PCYT1A: variants seen among roughly 807,000 people sequenced by gnomAD.
PCYT1A encodes phosphate cytidylyltransferase 1A, choline, also known as choline-phosphate cytidylyltransferase A.
A neutral mutation model predicts 43.7 loss-of-function variants in PCYT1A; 25 were observed. The ratio of observed to expected loss-of-function variants is 0.57; its 90% CI spans 0.42 to 0.80. The LOEUF (loss-of-function observed/expected upper bound fraction) is 0.80. Ranked by LOEUF, PCYT1A falls within the 30% of genes least tolerant of loss-of-function variation. PCYT1A has a pLI of 0.00. For synonymous variants in PCYT1A, 172 were observed against 170.7 expected, an observed-to-expected ratio of 1.01 and a Z score of -0.06; for missense variants, 421 against 474.2, an observed-to-expected ratio of 0.89 and a Z score of 1.04.
intron 5 of PCYT1A, among the ~76,000 whole-genome samples, chr3:196,246,689 C>T (rs1390981606): frequency 6.6e-6 from 1 of 152,194 alleles, no homozygotes; most frequent in Non-Finnish European, 1.5e-5. Context: ...CAAGAAAAGT[C>T]TATGTTAATC....
intron 3 of PCYT1A, among the ~76,000 whole-genome samples, chr3:196,254,357 T>A (rs1266309135): frequency 6.6e-6 from 1 of 151,706 alleles, no homozygotes; most frequent in African/African-American, 2.4e-5. Context: ...TTTATTTATG[T>A]ATTTATTTAT....
intron 1 of PCYT1A, among the ~76,000 whole-genome samples, chr3:196,274,944 T>A (rs1270925385): frequency 6.6e-6 from 1 of 152,218 alleles, no homozygotes; most frequent in East Asian, 1.9e-4. Flanking sequence ...GTGATGATGA[T>A]CAGAGCTTGT....
In PCYT1A at chr3:196,282,002, A is replaced by C. The variant is rs1385023375; in HGVS notation, c.-11+5613T>G. On this transcript the variant is annotated intron_variant, in intron 1 of 8. Coordinates refer to ENST00000431016, the MANE Select transcript of PCYT1A (RefSeq NM_001312673.2). This position sits in a 1 kb window ranked among gnomAD's most constrained non-coding sequence, Gnocchi z 4.3. Reference sequence around the variant, plus strand: ...TATCACACCAGGCTGAGAACTTATAAATGTAAAAGTGAATTTCAAAACATG... The same window carrying C: ...TATCACACCAGGCTGAGAACTTATACATGTAAAAGTGAATTTCAAAACATG... Among the ~76,000 whole-genome samples, 3 of 152,168 alleles carry C rather than the reference A, an allele frequency of 2.0e-5. No homozygotes were observed. The highest frequency in any genetic ancestry group is 2.9e-5 in the Non-Finnish European group (2 of 68,034).
intron 2 of PCYT1A, among the ~76,000 whole-genome samples, chr3:196,258,996 T>C (rs1725029610): frequency 6.6e-6 from 1 of 152,368 alleles, no homozygotes; most frequent in Non-Finnish European, 1.5e-5. Context: ...CTTATTTTTG[T>C]GTAAGATTCG....
chr3:196,252,100 G>A lies in PCYT1A; in HGVS notation c.218-3777C>T, dbSNP rs1202604684. 2.7e-5 allele frequency among the ~76,000 whole-genome samples: 4 copies of A among 147,958 alleles called. No individual in the cohort carries two copies. Among genetic ancestry groups the A allele is most frequent in the South Asian group, 2.1e-4 (1 of 4,764 alleles). On this transcript the variant is annotated intron_variant, in intron 3 of 8. Coordinates refer to ENST00000431016, the MANE Select transcript of PCYT1A (RefSeq NM_001312673.2). This position sits in a 1 kb window ranked among gnomAD's most constrained non-coding sequence, Gnocchi z 4.0. ...ACTACAGCGCACCCCGCCACGCCCC[G>A]CAGACTACAGCGCACCCCGCCACGC...
intron 5 of PCYT1A, among the ~76,000 whole-genome samples, chr3:196,243,912 G>A (rs1724454449): frequency 6.6e-6 from 1 of 152,238 alleles, no homozygotes; most frequent in African/African-American, 2.4e-5. Context: ...CGCCTGCCTT[G>A]GCCTCCCAAA....
chr3:196,285,934 CT>C (rs1725897889), intron 1 of PCYT1A, among the ~76,000 whole-genome samples: 1 of 152,146 alleles, frequency 6.6e-6, no homozygotes, highest in African/African-American at 2.4e-5. Flanking sequence ...TTTTCTGCCC[CT>C]ATCTTGAGTT....
At chr3:196,267,768 C>T (rs1042514594) in intron 2 of PCYT1A, among the ~76,000 whole-genome samples, 5 of 151,896 alleles carry the variant, frequency 3.3e-5, no homozygotes, top group African/African-American at 1.2e-4. Flanking sequence ...GGTTGCACAA[C>T]TCTGTGAATA....
At chr3:196,244,039 G>A (rs1264377539) in intron 5 of PCYT1A, among the ~76,000 whole-genome samples, 2 of 150,882 alleles carry the variant, frequency 1.3e-5, no homozygotes, top group Non-Finnish European at 2.9e-5. Context: ...CGCCCAGTCT[G>A]GGAAGTGAGG....
intron 1 of PCYT1A, among the ~76,000 whole-genome samples, chr3:196,281,362 T>C (rs1331762435): frequency 6.6e-6 from 1 of 152,190 alleles, no homozygotes. Flanking sequence ...TGAAGGAGTA[T>C]ATGGCTAAGC....
rs1724289681 is a variant in PCYT1A at position 196,239,595 on chromosome 3, T to C, written c.849A>G (p.Arg283=). 6.2e-7 allele frequency: 1 copy of C among 1,613,418 alleles called. No individual in the cohort carries two copies. The highest frequency in any genetic ancestry group is 1.1e-5 in the South Asian group (1 of 91,072). ...DLIQKWEEKS[R]EFIGSFLEMF... is the part of the protein sequence containing the mutation. ...TTTCCAGAAAACTTCCAATGAATTCTCGGGACTTCTCCTCCCACTTCTGAA... is the reference window on the plus strand; with the variant it reads ...TTTCCAGAAAACTTCCAATGAATTCCCGGGACTTCTCCTCCCACTTCTGAA... Residue 283 remains arginine (R), a synonymous_variant, in exon 8 of 9, where the codon CGA becomes CGG. Transcript: ENST00000431016.
intron 2 of PCYT1A, among the ~76,000 whole-genome samples, chr3:196,259,496 A>G (rs940957606): frequency 2.6e-5 from 4 of 151,946 alleles, no homozygotes; most frequent in African/African-American, 9.7e-5. Flanking sequence ...GTAAGTGTAG[A>G]TTTTCAAAAT....
intron 1 of PCYT1A, among the ~76,000 whole-genome samples, chr3:196,283,775 G>T (rs886117186): frequency 3.3e-5 from 5 of 152,188 alleles, no homozygotes; most frequent in Non-Finnish European, 7.3e-5. Context: ...GGAGATGCCA[G>T]AAGCTGCCAA....
Position 196,238,450 on chromosome 3 carries a change from G to T in PCYT1A, c.*238C>A, listed in dbSNP as rs891064666. ...AACAGTGAAACAAAGCCCTTGGGGGGGGGTAAATGGATGCAGAGCAGGCTT... is the reference window on the plus strand; with the variant it reads ...AACAGTGAAACAAAGCCCTTGGGGGTGGGTAAATGGATGCAGAGCAGGCTT... On this transcript the variant is annotated 3_prime_UTR_variant, in exon 9 of 9. Coordinates refer to ENST00000431016, the MANE Select transcript of PCYT1A (RefSeq NM_001312673.2). 1.9e-5 allele frequency: 7 copies of T among 363,336 alleles called. No individual in the cohort carries two copies. Among genetic ancestry groups the T allele is most frequent in the South Asian group, 1.4e-4 (1 of 7,086 alleles). The allele number at this position is 363,336 out of a possible 1,614,324, so 22.5% of individuals were successfully genotyped here.
chr3:196,280,625 G>A (rs1422601726), intron 1 of PCYT1A, among the ~76,000 whole-genome samples: 2 of 135,476 alleles, frequency 1.5e-5, no homozygotes, highest in African/African-American at 2.7e-5. Flanking sequence ...CTGAATCTGC[G>A]GATGTGGAGC....
chr3:196,242,123 G>A lies in PCYT1A; in HGVS notation c.566-33C>T, dbSNP rs370338017. 100 of 1,611,020 alleles carry A rather than the reference G, an allele frequency of 6.2e-5. No homozygotes were observed. Among genetic ancestry groups the A allele is most frequent in the Non-Finnish European group, 8.3e-5 (98 of 1,178,084 alleles). ...AGAAACACATACAGACAAACACTGT[G>A]AGGTTCTGGTTAGCTCAGGTATTAA... On this transcript the variant is annotated intron_variant, in intron 6 of 8. Transcript: ENST00000431016. This position sits in a 1 kb window ranked among gnomAD's most constrained non-coding sequence, Gnocchi z 4.2.
intron 5 of PCYT1A, among the ~76,000 whole-genome samples, chr3:196,245,287 G>A (rs936518629): frequency 1.3e-5 from 2 of 151,890 alleles, no homozygotes; most frequent in African/African-American, 2.4e-5. Flanking sequence ...GACTACAGGC[G>A]CATGTCACCC....
At chr3:196,272,865 C>G (rs1029293530) in intron 1 of PCYT1A, among the ~76,000 whole-genome samples, 1 of 152,250 alleles carries the variant, frequency 6.6e-6, no homozygotes, top group Non-Finnish European at 1.5e-5. Flanking sequence ...TAGCCAGAAA[C>G]CTCTGTGGCC....
At position 196,236,027 on chromosome 3, in the gene PCYT1A, A is replaced by C. The variant is rs1724152780; in HGVS notation, c.*2661T>G. 2 of 152,218 alleles carry C rather than the reference A, an allele frequency of 1.3e-5. No individual in the cohort carries two copies. The highest frequency in any genetic ancestry group is 2.1e-4 in the South Asian group (1 of 4,832). 9.4% of individuals were successfully genotyped at this position (152,218 alleles called of 1,614,324 possible). On this transcript the variant is annotated 3_prime_UTR_variant, in exon 9 of 9. Coordinates refer to ENST00000431016, the MANE Select transcript of PCYT1A (RefSeq NM_001312673.2). ...AGACTGAGGTGGTAGAAGCTCACCA[A>C]AAGGGGAAAGGGAGTTTCCCAATAA...
Sources: gnomAD v4.1 joint callset for allele counts (sites outside exome capture counted in the v4.1 genomes callset) on GRCh38, gnomAD v4.1.1 for gene constraint, Gnocchi (gnomAD v3.1) non-coding constraint, MANE v1.5 for transcripts, NCBI Gene and HGNC (gene_info 2026-07-23, HGNC 2026-07-21) for gene names.